Variants in MARCHF1 observed in about 807,000 individuals in gnomAD.
The protein encoded by MARCHF1 is E3 ubiquitin-protein ligase MARCHF1.
In MARCHF1, 40 loss-of-function variants were observed where a neutral mutation model predicts 54.2. That is an observed-to-expected ratio of 0.74 (90% confidence interval 0.57 to 0.96). MARCHF1 has a LOEUF of 0.96. Among genes scored for constraint, MARCHF1 ranks in the 40% least tolerant of loss-of-function variants. The pLI is 0.00. For missense variants in MARCHF1, 586 were observed against 656.5 expected, an observed-to-expected ratio of 0.89 and a Z score of 1.17; for synonymous variants, 236 against 236.3, an observed-to-expected ratio of 1.00 and a Z score of 0.01.
At chr4:164,304,337 G>A (rs900108299) in intron 1 of MARCHF1, among the ~76,000 whole-genome samples, 3 of 152,128 alleles carry the variant, frequency 2.0e-5, no homozygotes, top group East Asian at 3.9e-4. Flanking sequence ...TAATGTAAAC[G>A]GGATATTACT....
rs996555664 is a variant in MARCHF1, at chr4:164,102,784, T to C, written c.-248+8804A>G. Among the ~76,000 whole-genome samples, 419 of 147,898 alleles carry C rather than the reference T, an allele frequency of 2.8e-3. 3 individuals are homozygous for C. The highest frequency in any genetic ancestry group is 1.0e-2 in the African/African-American group (392 of 39,384). On this transcript the variant is annotated intron_variant, in intron 2 of 9. Coordinates refer to ENST00000514618, the MANE Select transcript of MARCHF1 (RefSeq NM_001394959.1). ...TAACAATATTAACTTTAAATGTCAA[T>C]GGACTAAATGCTCCAATTAAAAGAC... is the stretch of plus-strand genomic sequence containing the variant.
intron 7 of MARCHF1, among the ~76,000 whole-genome samples, chr4:163,606,064 A>T (rs1283573888): frequency 6.6e-6 from 1 of 152,160 alleles, no homozygotes; most frequent in African/African-American, 2.4e-5. Context: ...ATTTAAAAAA[A>T]TGAGAATATG....
chr4:163,888,602 T>A (rs1173175632), intron 3 of MARCHF1, among the ~76,000 whole-genome samples: 1 of 152,190 alleles, frequency 6.6e-6, no homozygotes, highest in Non-Finnish European at 1.5e-5. Flanking sequence ...TATTTCTCAC[T>A]GTTAACTGAT....
At chr4:163,606,515 G>A (rs1741147960) in intron 7 of MARCHF1, among the ~76,000 whole-genome samples, 1 of 151,962 alleles carries the variant, frequency 6.6e-6, no homozygotes, top group Non-Finnish European at 1.5e-5. Flanking sequence ...GATAACTGTG[G>A]ACCAGACTAG....
chr4:163,634,685 C>A (rs939410384), intron 5 of MARCHF1, among the ~76,000 whole-genome samples: 53 of 151,730 alleles, frequency 3.5e-4, no homozygotes, highest in African/African-American at 1.2e-3. Context: ...TTAGACAGAT[C>A]AACGAGAAAG....
chr4:163,727,556 C>T (rs112747110), intron 4 of MARCHF1, among the ~76,000 whole-genome samples: 2,433 of 152,030 alleles, frequency 0.016, 66 homozygotes, highest in African/African-American at 0.055. Flanking sequence ...CTGCCCACCT[C>T]GGCCTCCCAA....
At chr4:164,285,693 C>G (rs1255137843) in intron 1 of MARCHF1, among the ~76,000 whole-genome samples, 1 of 151,660 alleles carries the variant, frequency 6.6e-6, no homozygotes, top group Non-Finnish European at 1.5e-5. Context: ...CCACCAGCGA[C>G]CTCGTAATCC....
intron 3 of MARCHF1, among the ~76,000 whole-genome samples, chr4:163,986,516 C>T (rs940116689): frequency 2.0e-5 from 3 of 152,016 alleles, no homozygotes; most frequent in Admixed American, 6.6e-5. Flanking sequence ...CCGCCCGCCT[C>T]GGCCTCCCAA....
intron 1 of MARCHF1, among the ~76,000 whole-genome samples, chr4:164,249,594 A>G (rs1258633232): frequency 6.6e-6 from 1 of 152,006 alleles, no homozygotes; most frequent in Non-Finnish European, 1.5e-5. Context: ...TTGAAAATTT[A>G]TTAGTAGAGG....
chr4:164,213,203 T>TTTATTATTATTATTA (rs200182175), intron 1 of MARCHF1, among the ~76,000 whole-genome samples: 26 of 141,794 alleles, frequency 1.8e-4, no homozygotes, highest in African/African-American at 4.9e-4. Flanking sequence ...GGCTTTTACT[T>TTTATTATTATTATTA]TTATTATTAT....
chr4:164,187,362 T>C (rs904298390), intron 1 of MARCHF1, among the ~76,000 whole-genome samples: 1 of 152,172 alleles, frequency 6.6e-6, no homozygotes, highest in Non-Finnish European at 1.5e-5. Flanking sequence ...ATGAATAATG[T>C]CTTTCTCTAA....
intron 4 of MARCHF1, among the ~76,000 whole-genome samples, chr4:163,794,373 C>T (rs943661531): frequency 4.6e-5 from 7 of 152,186 alleles, no homozygotes; most frequent in African/African-American, 1.7e-4. Flanking sequence ...TAATTTTCAA[C>T]TGTGCCTTTT....
intron 4 of MARCHF1, among the ~76,000 whole-genome samples, chr4:163,787,837 A>C (rs2110927653): frequency 6.6e-6 from 1 of 152,136 alleles, no homozygotes; most frequent in Non-Finnish European, 1.5e-5. Flanking sequence ...ATGTCTACAG[A>C]CAGATGAATG....
At chr4:164,212,719 T>G (rs749852623) in intron 1 of MARCHF1, among the ~76,000 whole-genome samples, 1 of 152,212 alleles carries the variant, frequency 6.6e-6, no homozygotes, top group African/African-American at 2.4e-5. Context: ...ATGGGTTCGG[T>G]ATCCCTTGAA....
chr4:163,894,222 A>G (rs12643197), intron 3 of MARCHF1, among the ~76,000 whole-genome samples: 12 of 152,034 alleles, frequency 7.9e-5, no homozygotes, highest in African/African-American at 2.9e-4. Flanking sequence ...CCTTCAAGGC[A>G]GGATCAGTTT....
At chr4:163,892,021 AC>A (rs1341435113) in intron 3 of MARCHF1, among the ~76,000 whole-genome samples, 3 of 152,170 alleles carry the variant, frequency 2.0e-5, no homozygotes, top group African/African-American at 4.8e-5. Context: ...TTTAAAAAAA[AC>A]AAAGAACAAA....
intron 2 of MARCHF1, among the ~76,000 whole-genome samples, chr4:164,064,422 G>A (rs1214290201): frequency 6.6e-6 from 1 of 152,156 alleles, no homozygotes; most frequent in Non-Finnish European, 1.5e-5. Context: ...ATTGTGAAAG[G>A]GAGTTCATTC....
chr4:164,282,617 C>G (rs1734052751), intron 1 of MARCHF1, among the ~76,000 whole-genome samples: 1 of 151,136 alleles, frequency 6.6e-6, no homozygotes, highest in African/African-American at 2.4e-5. Flanking sequence ...CTCAAAAATA[C>G]TCAATTGGTC....
intron 1 of MARCHF1, among the ~76,000 whole-genome samples, chr4:164,272,686 A>T (rs901814955): frequency 6.6e-6 from 1 of 151,784 alleles, no homozygotes; most frequent in African/African-American, 2.4e-5. Context: ...GAAAAAAAAT[A>T]GTATCATATT....
Sources: allele counts gnomAD v4.1 joint callset (sites outside exome capture counted in the v4.1 genomes callset), GRCh38; gene constraint gnomAD v4.1.1; transcripts MANE v1.5; gene names NCBI Gene and HGNC (gene_info 2026-07-23, HGNC 2026-07-21).